Variants in PINK1 observed in about 807,000 individuals in gnomAD.
PINK1 encodes PTEN induced kinase 1.
In PINK1, 58 loss-of-function variants were observed where a neutral mutation model predicts 56.0. That is an observed-to-expected ratio of 1.04 (90% CI 0.84 to 1.29). PINK1 has a LOEUF of 1.29. Ranked by LOEUF, PINK1 falls within the 50% of genes most tolerant of loss-of-function variation. The pLI is 0.00. For synonymous variants in PINK1, 354 were observed against 339.3 expected (o/e 1.04, Z -0.48); for missense variants, 745 against 777.9 (o/e 0.96, Z 0.50).
Position 20,648,521 on chromosome 1 carries a change from G to A in PINK1, c.1140G>A (p.Leu380=), listed in dbSNP as rs55962214. 1.2e-5 allele frequency: 20 copies of A among 1,614,058 alleles called. No individual in the cohort carries two copies. The highest frequency in any genetic ancestry group is 1.7e-5 in the Non-Finnish European group (20 of 1,180,038). Residue 380 remains leucine, a synonymous_variant, in exon 6 of 8, where the codon CTG becomes CTA. Transcript: ENST00000321556. Reference sequence around the variant, plus strand: ...CCTTCCCAGACGGCTGCCCCTGGCTGGTGATCGCAGATTTTGGCTGCTGCC... The same window carrying A: ...CCTTCCCAGACGGCTGCCCCTGGCTAGTGATCGCAGATTTTGGCTGCTGCC... ...VELDPDGCPW[L]VIADFGCCLA...
chr1:20,634,863 T>C (rs2053040702), intron 1 of PINK1, among the ~76,000 whole-genome samples: 1 of 152,180 alleles, frequency 6.6e-6, no homozygotes, highest in South Asian at 2.1e-4. Context: ...AGGGAGTGAC[T>C]TGCCCAAGGA....
At chr1:20,648,903 G>C (rs1553146843) in intron 6 of PINK1, 92 bp from the exon 7 acceptor site, 1 of 1,447,864 alleles carries the variant, frequency 6.9e-7, no homozygotes, top group East Asian at 2.3e-5. Flanking sequence ...TTGGGACAGA[G>C]TTCAGATTAG....
Position 20,649,189 on chromosome 1 carries a change from G to C in PINK1, c.1446G>C (p.Val482=), listed in dbSNP as rs771974605. 12 of 1,614,174 alleles carry C rather than the reference G, an allele frequency of 7.4e-6. No individual in the cohort carries two copies. Among genetic ancestry groups the C allele is most frequent in the Non-Finnish European group, 1.0e-5 (12 of 1,180,032 alleles). The change falls in exon 7 of 8, where the codon GTG becomes GTC. Residue 482 remains valine (V), a synonymous_variant. Transcript: ENST00000321556. The part of the protein sequence containing the change: ...PALPESVPPD[V]RQLVRALLQR... ...TGCCCGAGTCAGTGCCTCCAGACGT[G>C]AGACAGTTGGTGAGGGCACTGCTCC...
In PINK1 at chr1:20,650,745, G is replaced by T; in HGVS notation, c.*54G>T. 1 of 1,585,440 alleles carries T rather than the reference G, an allele frequency of 6.3e-7. No homozygotes were observed. The highest frequency in any genetic ancestry group is 8.5e-7 in the Non-Finnish European group (1 of 1,169,830). On this transcript the variant is annotated 3_prime_UTR_variant, in exon 8 of 8. Transcript: ENST00000321556. Reference sequence around the variant, plus strand: ...AAAAGAACATGGCATCCTCTGTGTCGTGATGGTCTGTGAATGGTGAGGGTG... The same window carrying T: ...AAAAGAACATGGCATCCTCTGTGTCTTGATGGTCTGTGAATGGTGAGGGTG...
chr1:20,634,427 A>C (rs2053034812), intron 1 of PINK1, among the ~76,000 whole-genome samples: 1 of 152,230 alleles, frequency 6.6e-6, no homozygotes, highest in South Asian at 2.1e-4. Context: ...AGTAAAAACT[A>C]TGAACGGCGA....
chr1:20,635,084 T>C (rs1037471655), intron 1 of PINK1, among the ~76,000 whole-genome samples: 2 of 152,244 alleles, frequency 1.3e-5, no homozygotes, highest in African/African-American at 4.8e-5. Flanking sequence ...TGCTTAAAAC[T>C]AAAGAGGCTT....
chr1:20,644,682 A>G lies in PINK1; in HGVS notation c.959+10A>G. On this transcript the variant is annotated intron_variant, in intron 4 of 7. Coordinates refer to ENST00000321556, the MANE Select transcript of PINK1 (RefSeq NM_032409.3). ...TCCTCGTTATGAAGAAGTAAGTGACAGCAGCGCGGCAGGGCCTGGAGCTGA... is the reference window on the plus strand; with the variant it reads ...TCCTCGTTATGAAGAAGTAAGTGACGGCAGCGCGGCAGGGCCTGGAGCTGA... 1 of 1,613,956 alleles carries G rather than the reference A, an allele frequency of 6.2e-7. No individual in the cohort carries two copies. The highest frequency in any genetic ancestry group is 8.5e-7 in the Non-Finnish European group (1 of 1,179,980).
chr1:20,651,441 T>A lies in PINK1; in HGVS notation c.*750T>A, dbSNP rs1415205832. ...GAGATTTCATGTCTAACTAACTAAC[T>A]TTATACATGATTTTTAGGAAGCTAT... On this transcript the variant is annotated 3_prime_UTR_variant, in exon 8 of 8. Transcript: ENST00000321556. The A allele has an allele frequency of 6.6e-6, 1 of 152,528 alleles. No homozygotes were observed. The highest frequency in any genetic ancestry group is 1.9e-4 in the East Asian group (1 of 5,192). The allele number at this position is 152,528 out of a possible 1,614,324, so 9.4% of individuals were successfully genotyped here.
In PINK1 at chr1:20,648,593, C is replaced by T. The variant is rs747239996; in HGVS notation, c.1212C>T (p.Tyr404=). 8.1e-6 allele frequency: 13 copies of T among 1,614,002 alleles called. No individual in the cohort carries two copies. The highest frequency in any genetic ancestry group is 2.7e-5 in the African/African-American group (2 of 74,934). Residue 404 remains tyrosine (Y), a synonymous_variant, in exon 6 of 8, where the codon TAC becomes TAT. Transcript: ENST00000321556. The part of the protein sequence containing the change: ...IGLQLPFSSW[Y]VDRGGNGCLM... ...TGCAGTTGCCCTTCAGCAGCTGGTA[C>T]GTGGATCGGGGCGGAAACGGCTGTC...
At chr1:20,649,801 A>G in intron 7 of PINK1, 1 of 161,832 alleles carries the variant, frequency 6.2e-6, no homozygotes, top group Non-Finnish European at 1.4e-5. Context: ...ATTCAGAGAG[A>G]GAAAAGGAGG....
chr1:20,649,248 C>G lies in PINK1; in HGVS notation c.1488+17C>G, dbSNP rs140025459. 6.2e-7 allele frequency: 1 copy of G among 1,611,100 alleles called. No individual in the cohort carries two copies. Among genetic ancestry groups the G allele is most frequent in the Non-Finnish European group, 8.5e-7 (1 of 1,177,344 alleles). On this transcript the variant is annotated intron_variant, in intron 7 of 7. Coordinates refer to ENST00000321556, the MANE Select transcript of PINK1 (RefSeq NM_032409.3). ...GCCAGCAAGGTGAGGCTGTCCCCGG[C>G]TTCGAGGGGACGGTGTGGGTAGAAA...
chr1:20,650,960 G>A lies in PINK1; in HGVS notation c.*269G>A, dbSNP rs900511929. ...AGGGGTAGGCCTGCATCCACAGAGA[G>A]GATCCAGGCCAAGGCACTGGCTGTC... On this transcript the variant is annotated 3_prime_UTR_variant, in exon 8 of 8. Coordinates refer to ENST00000321556, the MANE Select transcript of PINK1 (RefSeq NM_032409.3). 5.9e-6 allele frequency: 3 copies of A among 506,782 alleles called. No homozygotes were observed. The highest frequency in any genetic ancestry group is 3.2e-5 in the Admixed American group (1 of 30,880). 31.4% of individuals were successfully genotyped at this position (506,782 alleles called of 1,614,324 possible). A position where few individuals can be genotyped will look rare whatever the true frequency, so the allele number is the denominator to read the frequency against.
At chr1:20,639,411 CT>C (rs2154533674) in intron 2 of PINK1, 1 of 251,626 alleles carries the variant, frequency 4.0e-6, no homozygotes, top group South Asian at 5.1e-5. Context: ...CAATAAGGTG[CT>C]TTCCCCACTC....
chr1:20,646,774 G>T (rs1202590360), intron 5 of PINK1, among the ~76,000 whole-genome samples: 2 of 152,260 alleles, frequency 1.3e-5, no homozygotes, highest in Non-Finnish European at 2.9e-5. Context: ...ACTTGCCTAG[G>T]AAAATTGTAA....
At position 20,650,911 on chromosome 1, in the gene PINK1, CTAG is replaced by C; in HGVS notation, c.*224_*226del. The C allele has an allele frequency of 4.8e-6, 3 of 621,926 alleles. No homozygotes were observed. Among genetic ancestry groups the C allele is most frequent in the South Asian group, 1.9e-5 (1 of 53,026 alleles). The allele number at this position is 621,926 out of a possible 1,614,324, so 38.5% of individuals were successfully genotyped here. On this transcript the variant is annotated 3_prime_UTR_variant, in exon 8 of 8. Coordinates refer to ENST00000321556, the MANE Select transcript of PINK1 (RefSeq NM_032409.3). ...CTGAAAAGTGAATGGCCAAGCTGGT[CTAG>C]TAGATGAGGCTGGACTGAGGAGGGG...
rs1200961249 is a variant in PINK1, at chr1:20,649,513, A to C, written c.1488+282A>C. On this transcript the variant is annotated intron_variant, in intron 7 of 7. Transcript: ENST00000321556. Reference sequence around the variant, plus strand: ...GACACGGTGGCTTACACCTATAATCACAGCACTTTGGGAGGCTGAGGCGGG... The same window carrying C: ...GACACGGTGGCTTACACCTATAATCCCAGCACTTTGGGAGGCTGAGGCGGG... The C allele has an allele frequency of 7.2e-6, 3 of 417,026 alleles. No homozygotes were observed. The East Asian group carries it at 1.5e-4, about 20-fold the overall frequency. The allele number at this position is 417,026 out of a possible 1,614,324, so 25.8% of individuals were successfully genotyped here.
In PINK1 at chr1:20,633,960, G is replaced by A. The variant is rs377219724; in HGVS notation, c.387+25G>A. Reference sequence around the variant, plus strand: ...GGTGAGCGGGGCCGGGTCCTAAGCCGAGCGGAGGACGGAGCTAAGCGCGGG... The same window carrying A: ...GGTGAGCGGGGCCGGGTCCTAAGCCAAGCGGAGGACGGAGCTAAGCGCGGG... On this transcript the variant is annotated intron_variant, in intron 1 of 7. Transcript: ENST00000321556. 7 of 1,573,220 alleles carry A rather than the reference G, an allele frequency of 4.4e-6. No individual in the cohort carries two copies. In the South Asian group the frequency reaches 8.1e-5, roughly 18 times the overall value.
In PINK1 at chr1:20,633,678, GA is replaced by G. The variant is rs2053016744; in HGVS notation, c.131del (p.Glu44GlyfsTer63). The G allele has an allele frequency of 1.0e-5, 14 of 1,395,166 alleles. No homozygotes were observed. The highest frequency in any genetic ancestry group is 1.1e-5 in the Non-Finnish European group (12 of 1,083,182). 86.4% of individuals were successfully genotyped at this position (1,395,166 alleles called of 1,614,324 possible). The part of the protein sequence containing the change: ...PGPAAGCVRG[E>X]RPGWAAGPGA... Reference sequence around the variant, plus strand: ...CCCGGCGGCGGGCTGTGTCCGCGGGGAGCGTCCAGGCTGGGCCGCAGGACCG... The same window carrying G: ...CCCGGCGGCGGGCTGTGTCCGCGGGGGCGTCCAGGCTGGGCCGCAGGACCG... On this transcript the variant is annotated frameshift_variant, in exon 1 of 8. Coordinates refer to ENST00000321556, the MANE Select transcript of PINK1 (RefSeq NM_032409.3). LOFTEE classifies it high-confidence loss of function.
chr1:20,650,539 C>G lies in PINK1; in HGVS notation c.1594C>G (p.Leu532Val). The stretch of plus-strand genomic sequence containing the variant: ...GTTAGACAAGATGGTTGGCTGGCTC[C>G]TCCAACAATCGGCCGCCACTTTGTT... ...LKLDKMVGWL[L>V]QQSAATLLAN... The change falls in exon 8 of 8, where the codon CTC becomes GTC. Residue 532 changes from leucine to valine, a missense_variant. Leu to Val is a conservative substitution (Grantham distance 32). Coordinates refer to ENST00000321556, the MANE Select transcript of PINK1 (RefSeq NM_032409.3). The G allele has an allele frequency of 6.2e-7, 1 of 1,614,238 alleles. No homozygotes were observed. The highest frequency in any genetic ancestry group is 2.2e-5 in the East Asian group (1 of 44,886).
Sources: gnomAD v4.1 joint callset for allele counts (sites outside exome capture counted in the v4.1 genomes callset) on GRCh38, gnomAD v4.1.1 for gene constraint, MANE v1.5 for transcripts, NCBI Gene and HGNC (gene_info 2026-07-23, HGNC 2026-07-21) for gene names.